The following ERI1 variants were observed in gnomAD, a reference collection of about 807,000 sequenced individuals.
ERI1 encodes the protein 3'-5' exoribonuclease 1.
In ERI1, 39 loss-of-function variants were observed where a neutral mutation model predicts 39.7. That is an observed-to-expected ratio of 0.98 (90% CI 0.76 to 1.28). The LOEUF is 1.28. ERI1 is among the 50% of genes most tolerant of loss of function. The pLI, the probability that ERI1 is intolerant of heterozygous loss-of-function variation, is 0.00. For synonymous variants in ERI1, 204 were observed against 149.6 expected, an observed-to-expected ratio of 1.36 and a Z score of -2.65; for missense variants, 581 against 416.9, an observed-to-expected ratio of 1.39 and a Z score of -3.43.
chr8:9,086,883 A>G (rs1036806074), intron 3 of ERI1, among the ~76,000 whole-genome samples: 1 of 152,228 alleles, frequency 6.6e-6, no homozygotes, highest in East Asian at 1.9e-4. Context: ...ACTTACTATT[A>G]TGTATACCCA....
At chr8:9,004,872 G>C (rs1815813617) in intron 1 of ERI1, among the ~76,000 whole-genome samples, 1 of 151,944 alleles carries the variant, frequency 6.6e-6, no homozygotes, top group Admixed American at 6.6e-5. Context: ...ATTTTTAGTA[G>C]AGATGGGGTT....
At chr8:9,037,378 C>A (rs117531106), downstream of ERI1, among the ~76,000 whole-genome samples, 1,723 of 152,264 alleles carry the variant, frequency 0.011, 11 homozygotes, top group Middle Eastern at 0.024. Flanking sequence ...GTGATTTCAG[C>A]CTTCTTCCCA....
At chr8:9,048,618 C>G (rs535548775) in intron 3 of ERI1, 1 of 152,710 alleles carries the variant, frequency 6.5e-6, no homozygotes, top group South Asian at 2.1e-4. Context: ...GGGAAAAGGT[C>G]CAGTGGAAAT....
intron 3 of ERI1, among the ~76,000 whole-genome samples, chr8:9,070,222 G>C (rs932866826): frequency 4.0e-5 from 6 of 151,802 alleles, no homozygotes; most frequent in African/African-American, 1.4e-4. Flanking sequence ...CTGGGTGAGA[G>C]TGAGACGCTG....
At chr8:9,068,653 T>C (rs1798958362) in intron 3 of ERI1, among the ~76,000 whole-genome samples, 1 of 152,082 alleles carries the variant, frequency 6.6e-6, no homozygotes, top group Admixed American at 6.5e-5. Context: ...CTAGGATGCA[T>C]TGTGTCTGAG....
At chr8:9,009,290 G>A (rs1375148831) in intron 2 of ERI1, among the ~76,000 whole-genome samples, 2 of 152,134 alleles carry the variant, frequency 1.3e-5, no homozygotes, top group African/African-American at 4.8e-5. Context: ...AATACAGAGT[G>A]GCCAATGCTA....
chr8:9,080,677 G>A (rs990443879), intron 3 of ERI1, among the ~76,000 whole-genome samples: 5 of 152,160 alleles, frequency 3.3e-5, no homozygotes, highest in African/African-American at 1.2e-4. Flanking sequence ...TTGGGTTCTA[G>A]CAGCACAGAG....
intron 3 of ERI1, among the ~76,000 whole-genome samples, chr8:9,089,662 G>T (rs1799643833): frequency 6.6e-6 from 1 of 152,172 alleles, no homozygotes; most frequent in African/African-American, 2.4e-5. Flanking sequence ...GGAGCCCACA[G>T]ATTCCAATCC....
At position 9,039,535 on chromosome 8, in the gene ERI1, TTAACTTA is replaced by T. The variant is rs1320179027; in HGVS notation, n.299+19076_299+19082del. ...AGTCAAGATTTAAAATTTCCCTTATTTAACTTATAACAAGTCGCAGTCATCTGTGGCA... is the reference window on the plus strand; with the variant it reads ...AGTCAAGATTTAAAATTTCCCTTATTTAACAAGTCGCAGTCATCTGTGGCA... On this transcript the variant is annotated intron_variant and non_coding_transcript_variant, in intron 3 of 3. Coordinates refer to the ERI1 transcript ENST00000518663. 1.5e-3 allele frequency among the ~76,000 whole-genome samples: 227 copies of T among 152,298 alleles called. 1 individual carries two copies. Among genetic ancestry groups the T allele is most frequent in the African/African-American group, 5.3e-3 (220 of 41,564 alleles).
chr8:9,018,443 T>A (rs1035100335), intron 5 of ERI1, 37 bp downstream of exon 5: 6 of 1,199,416 alleles, frequency 5.0e-6, no homozygotes, highest in Middle Eastern at 4.6e-4. Context: ...TATATCTACT[T>A]TTTAAAGATT....
Position 9,061,728 on chromosome 8 carries a change from A to AT in ERI1, n.299+41265dup, listed in dbSNP as rs543237980. ...CAGCAGGGAGAGCATGTGTGTTTTT[A>AT]TGAGAATTATGCCGAGATAGGTAAC... On this transcript the variant is annotated intron_variant and non_coding_transcript_variant, in intron 3 of 3. Coordinates refer to the ERI1 transcript ENST00000518663. 3.0e-3 allele frequency among the ~76,000 whole-genome samples: 461 copies of AT among 152,170 alleles called. 3 individuals are homozygous for AT. The highest frequency in any genetic ancestry group is 0.027 in the South Asian group (128 of 4,816).
chr8:9,081,079 C>G (rs1388975206), intron 3 of ERI1, among the ~76,000 whole-genome samples: 3 of 152,264 alleles, frequency 2.0e-5, no homozygotes, highest in African/African-American at 7.2e-5. Flanking sequence ...CAAGGCACGT[C>G]TTACATGGCA....
At chr8:9,067,820 G>A (rs1798928971) in intron 3 of ERI1, among the ~76,000 whole-genome samples, 1 of 149,226 alleles carries the variant, frequency 6.7e-6, no homozygotes, top group African/African-American at 2.4e-5. Context: ...AGGTCCCCAA[G>A]TCAACAAACT....
chr8:9,007,366 TA>T (rs1321649446), intron 1 of ERI1, among the ~76,000 whole-genome samples: 1 of 152,188 alleles, frequency 6.6e-6, no homozygotes, highest in African/African-American at 2.4e-5. Context: ...GAAGTCAGGT[TA>T]AAAAATTATC....
intron 3 of ERI1, among the ~76,000 whole-genome samples, chr8:9,042,169 G>C (rs1798044763): frequency 6.6e-6 from 1 of 152,204 alleles, no homozygotes. Flanking sequence ...AAGGCCAAGA[G>C]AAATGTCTGC....
intron 5 of ERI1, 111 bp downstream of exon 5, chr8:9,018,517 C>T: frequency 1.6e-6 from 1 of 623,558 alleles, no homozygotes. Context: ...ACCCTAGAGT[C>T]TCACCCCACA....
At chr8:9,004,215 C>G (rs1349651156) in intron 1 of ERI1, 3 of 1,273,658 alleles carry the variant, frequency 2.4e-6, no homozygotes, top group African/African-American at 1.5e-5. Flanking sequence ...TCAAAGAGTA[C>G]TTGCACATCC....
intron 3 of ERI1, among the ~76,000 whole-genome samples, chr8:9,043,327 AGCTTTTGTGAC>A (rs968194839): frequency 1.3e-5 from 2 of 152,202 alleles, no homozygotes; most frequent in Non-Finnish European, 2.9e-5. Flanking sequence ...TTTCAAGCCC[AGCTTTTGTGAC>A]GCTTTTGTGA....
intron 3 of ERI1, among the ~76,000 whole-genome samples, chr8:9,099,556 T>C (rs187195188): frequency 6.0e-5 from 9 of 150,488 alleles, no homozygotes; most frequent in East Asian, 1.9e-4. Context: ...GACGGTATCA[T>C]TGCAATCCAG....
Sources: gnomAD v4.1 joint callset for allele counts (sites outside exome capture counted in the v4.1 genomes callset) on GRCh38, gnomAD v4.1.1 for gene constraint, MANE v1.5 for transcripts, NCBI Gene and HGNC (gene_info 2026-07-23, HGNC 2026-07-21) for gene names.